Variants in AUH observed in about 807,000 individuals in gnomAD.
The protein encoded by AUH is AU RNA binding methylglutaconyl-CoA hydratase.
In AUH, 29 loss-of-function variants were observed where a neutral mutation model predicts 42.3. The observed-to-expected ratio is 0.69, with a 90% CI of 0.51 to 0.93. AUH has a LOEUF of 0.93. AUH is among the 40% of genes least tolerant of loss of function. The pLI, the probability that AUH is intolerant of heterozygous loss-of-function variation, is 0.00. For synonymous variants in AUH, 174 were observed against 166.4 expected, an observed-to-expected ratio of 1.05 and a Z score of -0.35; for missense variants, 452 against 438.1, an observed-to-expected ratio of 1.03 and a Z score of -0.28.
rs1230755252 is a variant in AUH, at chr9:91,361,537, C to A, written c.262+91G>T. On this transcript the variant is annotated intron_variant, in intron 1 of 9. Transcript: ENST00000375731. Reference sequence around the variant, plus strand: ...CGGTGCGCCTGCCTGACCTCGACCCCGCGTCCTGCCGGCGGACGCTGCACC... The same window carrying A: ...CGGTGCGCCTGCCTGACCTCGACCCAGCGTCCTGCCGGCGGACGCTGCACC... 5.3e-6 allele frequency: 8 copies of A among 1,504,600 alleles called. No homozygotes were observed. The Admixed American group carries it at 6.3e-5, about 12-fold the overall frequency. 93.2% of individuals were successfully genotyped at this position (1,504,600 alleles called of 1,614,324 possible).
intron 6 of AUH, among the ~76,000 whole-genome samples, chr9:91,294,074 C>T (rs546650887): frequency 6.6e-6 from 1 of 152,188 alleles, no homozygotes; most frequent in Non-Finnish European, 1.5e-5. Flanking sequence ...AAGCCCACTG[C>T]TGAGACCTAC....
At chr9:91,257,408 C>T (rs1017028701) in intron 6 of AUH, among the ~76,000 whole-genome samples, 11 of 152,078 alleles carry the variant, frequency 7.2e-5, no homozygotes, top group African/African-American at 2.4e-4. Context: ...TGGACACATG[C>T]CACCCAGAGA....
At chr9:91,307,891 G>A (rs1265673447) in intron 4 of AUH, among the ~76,000 whole-genome samples, 1 of 152,178 alleles carries the variant, frequency 6.6e-6, no homozygotes, top group Admixed American at 6.5e-5. Flanking sequence ...AAAAGGGTGG[G>A]AGAAGAGAAA....
chr9:91,356,086 A>G lies in AUH; in HGVS notation c.330+2T>C, dbSNP rs1178536765. ...AGCAAACAGTTTAATCTTTACACTC[A>G]CCATTTTTATAAGATTTTTACTGAG... On this transcript the variant is annotated splice_donor_variant, in intron 2 of 9. Coordinates refer to ENST00000375731, the MANE Select transcript of AUH (RefSeq NM_001698.3). LOFTEE classifies it high-confidence loss of function. The G allele has an allele frequency of 6.2e-7, 1 of 1,611,840 alleles. No homozygotes were observed. The highest frequency in any genetic ancestry group is 2.2e-5 in the East Asian group (1 of 44,806).
intron 6 of AUH, among the ~76,000 whole-genome samples, chr9:91,236,895 A>T (rs1828215689): frequency 6.6e-6 from 1 of 152,204 alleles, no homozygotes; most frequent in Admixed American, 6.5e-5. Context: ...CCCACCCAAA[A>T]GCTCCAATCA....
At chr9:91,345,514 C>CA (rs1321190224) in intron 3 of AUH, among the ~76,000 whole-genome samples, 3 of 152,046 alleles carry the variant, frequency 2.0e-5, no homozygotes, top group African/African-American at 7.2e-5. Flanking sequence ...AACATGGTAA[C>CA]AGACAGTGCG....
chr9:91,282,797 C>A (rs1826077859), intron 6 of AUH, among the ~76,000 whole-genome samples: 1 of 152,130 alleles, frequency 6.6e-6, no homozygotes, highest in African/African-American at 2.4e-5. Flanking sequence ...CAATAACAGG[C>A]TCTGAAATTG....
chr9:91,316,836 A>T (rs1463418318), intron 4 of AUH, among the ~76,000 whole-genome samples: 1 of 151,900 alleles, frequency 6.6e-6, no homozygotes, highest in Non-Finnish European at 1.5e-5. Flanking sequence ...TTTTCTTTCT[A>T]CTTTATTTAT....
rs764394633 is a variant in AUH at position 91,296,068 on chromosome 9, G to C, written c.608C>G (p.Ala203Gly). ...TTTTGTTTCAACCAGGCCCATTTTT[G>C]CAGAGGAAGCTAAAACGAAAGAAAG... ...ACDIRVAASSAKMGLVETKLA... is the reference protein window; with the variant it reads ...ACDIRVAASSGKMGLVETKLA... Residue 203 changes from alanine to glycine, a missense_variant, in exon 6 of 10, where the codon GCA (alanine) becomes GGA (glycine). Ala to Gly is a moderately conservative substitution (Grantham distance 60). Coordinates refer to ENST00000375731, the MANE Select transcript of AUH (RefSeq NM_001698.3). The C allele has an allele frequency of 1.2e-6, 2 of 1,613,848 alleles. No homozygotes were observed. Among genetic ancestry groups the C allele is most frequent in the East Asian group, 4.5e-5 (2 of 44,824 alleles).
chr9:91,298,864 G>C (rs1378263842), intron 4 of AUH, among the ~76,000 whole-genome samples: 1 of 152,152 alleles, frequency 6.6e-6, no homozygotes, highest in Non-Finnish European at 1.5e-5. Flanking sequence ...TTTTATTTCT[G>C]ACTATGGGAA....
At chr9:91,339,468 G>A (rs113250998) in intron 3 of AUH, among the ~76,000 whole-genome samples, 4 of 152,318 alleles carry the variant, frequency 2.6e-5, no homozygotes, top group Admixed American at 2.0e-4. Context: ...ATATGGAAAG[G>A]GAGAAGGTAA....
In AUH at chr9:91,295,025, C is replaced by T. The variant is rs116867728; in HGVS notation, c.655+996G>A. The stretch of plus-strand genomic sequence containing the variant: ...GTGAGAGATCACTGAACCATGGAGG[C>T]GGGTTTCCCCCATACTATTCTCGTC... On this transcript the variant is annotated intron_variant, in intron 6 of 9. Transcript: ENST00000375731. Among the ~76,000 whole-genome samples the T allele has an allele frequency of 2.6e-5, 4 of 152,256 alleles. No homozygotes were observed. The East Asian group carries it at 5.8e-4, about 22-fold the overall frequency.
chr9:91,220,922 G>T lies in AUH; in HGVS notation c.726C>A (p.Val242=). 2.5e-6 allele frequency: 4 copies of T among 1,614,248 alleles called. No homozygotes were observed. The highest frequency in any genetic ancestry group is 2.5e-6 in the Non-Finnish European group (3 of 1,180,048). Residue 242 remains valine, a synonymous_variant, in exon 7 of 10, where the codon GTC becomes GTA. Coordinates refer to ENST00000375731, the MANE Select transcript of AUH (RefSeq NM_001698.3). The part of the protein sequence containing the change: ...LAKELIFSAR[V]LDGKEAKAVG... Reference sequence around the variant, plus strand: ...CTGCTTTGGCTTCTTTGCCATCGAGGACTCGCGCAGAGAATATGAGCTCCT... The same window carrying T: ...CTGCTTTGGCTTCTTTGCCATCGAGTACTCGCGCAGAGAATATGAGCTCCT...
intron 6 of AUH, among the ~76,000 whole-genome samples, chr9:91,286,783 G>C (rs144620327): frequency 6.6e-6 from 1 of 151,176 alleles, no homozygotes; most frequent in African/African-American, 2.4e-5. Flanking sequence ...TACCTATCGT[G>C]TTTGTATGGG....
intron 6 of AUH, among the ~76,000 whole-genome samples, chr9:91,271,165 ATTTGT>A (rs916664014): frequency 1.3e-5 from 2 of 152,270 alleles, no homozygotes; most frequent in Non-Finnish European, 2.9e-5. Flanking sequence ...CTAAAAGGAC[ATTTGT>A]TTGTTTGCTA....
At chr9:91,323,161 T>C (rs985557611) in intron 4 of AUH, among the ~76,000 whole-genome samples, 28 of 151,956 alleles carry the variant, frequency 1.8e-4, no homozygotes, top group African/African-American at 6.3e-4. Context: ...TGAACCAATA[T>C]GAAAAAATAT....
intron 4 of AUH, among the ~76,000 whole-genome samples, chr9:91,300,890 T>A (rs1827733004): frequency 6.6e-6 from 1 of 152,222 alleles, no homozygotes; most frequent in Non-Finnish European, 1.5e-5. Flanking sequence ...CCTTCCTCTA[T>A]GCTTACATGG....
chr9:91,351,532 TGA>T (rs1180057540), intron 3 of AUH, among the ~76,000 whole-genome samples: 1 of 151,434 alleles, frequency 6.6e-6, no homozygotes, highest in Non-Finnish European at 1.5e-5. Flanking sequence ...TAAACATCAT[TGA>T]GTATATATAC....
rs190975421 is a variant in AUH at position 91,254,656 on chromosome 9, G to A, written c.656-33664C>T. On this transcript the variant is annotated intron_variant, in intron 6 of 9. Coordinates refer to ENST00000375731, the MANE Select transcript of AUH (RefSeq NM_001698.3). ...GATGGGTAATCTAAAATAGCAAGCT[G>A]TCCATATCTCTTCAGTTAATAAAAC... Among the ~76,000 whole-genome samples the A allele has an allele frequency of 4.6e-5, 7 of 152,304 alleles. No homozygotes were observed. The East Asian group carries it at 1.3e-3, about 29-fold the overall frequency.
Sources: gnomAD v4.1 joint callset for allele counts (sites outside exome capture counted in the v4.1 genomes callset) on GRCh38, gnomAD v4.1.1 for gene constraint, MANE v1.5 for transcripts, NCBI Gene and HGNC (gene_info 2026-07-23, HGNC 2026-07-21) for gene names.